The following DOCK8 variants were observed in gnomAD, a reference collection of about 807,000 sequenced individuals.
DOCK8 encodes the protein dedicator of cytokinesis protein 8.
DOCK8 carries 141 observed loss-of-function variants against 245.6 expected under a neutral mutation model. The observed-to-expected ratio is 0.57, with a 90% confidence interval of 0.50 to 0.66. The LOEUF is 0.66. DOCK8 is among the 30% of genes least tolerant of loss of function. The pLI is 0.00. For missense variants in DOCK8, 2,965 were observed against 2,603.4 expected (o/e 1.14, Z -3.02); for synonymous variants, 1,168 against 970.2 (o/e 1.20, Z -3.79).
At chr9:435,527 G>C (rs2056868868) in intron 39 of DOCK8, among the ~76,000 whole-genome samples, 2 of 152,172 alleles carry the variant, frequency 1.3e-5, no homozygotes, top group African/African-American at 4.8e-5. Context: ...CATTGTGAAA[G>C]TTTGGAAAAC....
At chr9:309,277 G>A (rs1411050529) in intron 5 of DOCK8, among the ~76,000 whole-genome samples, 10 of 151,848 alleles carry the variant, frequency 6.6e-5, no homozygotes. Flanking sequence ...AAAAACAAAA[G>A]TATTAATAAT....
intron 33 of DOCK8, among the ~76,000 whole-genome samples, chr9:425,558 A>T (rs926129943): frequency 6.7e-6 from 1 of 149,904 alleles, no homozygotes; most frequent in Non-Finnish European, 1.5e-5. Flanking sequence ...AAAAAAAAAA[A>T]GGATGATGAG....
chr9:218,334 G>C (rs1002992559), intron 1 of DOCK8, among the ~76,000 whole-genome samples: 2 of 152,166 alleles, frequency 1.3e-5, no homozygotes, highest in African/African-American at 4.8e-5. Flanking sequence ...TTTGTAAAGC[G>C]TTCAGTTCTG....
rs1267951716 is a variant in DOCK8 at position 386,239 on chromosome 9, T to G, written c.2779-92T>G. 3 of 1,085,422 alleles carry G rather than the reference T, an allele frequency of 2.8e-6. No individual in the cohort carries two copies. The African/African-American group carries it at 4.7e-5, about 17-fold the overall frequency. The allele number at this position is 1,085,422 out of a possible 1,614,324, so 67.2% of individuals were successfully genotyped here. A position where few individuals can be genotyped will look rare whatever the true frequency, so the allele number is the denominator to read the frequency against. On this transcript the variant is annotated intron_variant, in intron 22 of 47. Coordinates refer to ENST00000432829, the MANE Select transcript of DOCK8 (RefSeq NM_203447.4). ...TTGTAACCAGGAAAAAAAATATGTA[T>G]AAAAAAATGAATTCTGAGGTTGTGA...
At chr9:291,874 C>G (rs1421307266) in intron 4 of DOCK8, among the ~76,000 whole-genome samples, 2 of 150,946 alleles carry the variant, frequency 1.3e-5, no homozygotes, top group Non-Finnish European at 2.9e-5. Flanking sequence ...CAAGACCAGC[C>G]TAGGCAATAT....
At position 368,406 on chromosome 9, in the gene DOCK8, C is replaced by G. The variant is rs565314513; in HGVS notation, c.1797+271C>G. On this transcript the variant is annotated intron_variant, in intron 15 of 47. Transcript: ENST00000432829. ...AAAGTCATAAAGTCTTTCCATACTG[C>G]CCATAGGACCACCCCACTCTAAAGG... 12 of 651,436 alleles carry G rather than the reference C, an allele frequency of 1.8e-5. No homozygotes were observed. The East Asian group carries it at 3.3e-4, about 18-fold the overall frequency. The allele number at this position is 651,436 out of a possible 1,614,324, so 40.4% of individuals were successfully genotyped here. A position where few individuals can be genotyped will look rare whatever the true frequency, so the allele number is the denominator to read the frequency against.
chr9:286,665 A>T (rs766017491), intron 3 of DOCK8, 29 bp downstream of exon 3: 1 of 1,609,360 alleles, frequency 6.2e-7, no homozygotes, highest in Non-Finnish European at 8.5e-7. Context: ...TGTAGATGTG[A>T]TTGGGATTGT....
intron 5 of DOCK8, among the ~76,000 whole-genome samples, chr9:308,745 C>T (rs1368855234): frequency 6.6e-6 from 1 of 152,190 alleles, no homozygotes; most frequent in Non-Finnish European, 1.5e-5. Flanking sequence ...GCAACCCCTG[C>T]CTCCCAGGTT....
intron 33 of DOCK8, among the ~76,000 whole-genome samples, chr9:422,411 G>T (rs2056312474): frequency 6.6e-6 from 1 of 152,188 alleles, no homozygotes; most frequent in African/African-American, 2.4e-5. Context: ...AGCTGATTTT[G>T]CAGGGAGGGT....
intron 14 of DOCK8, among the ~76,000 whole-genome samples, chr9:347,140 C>T (rs966284545): frequency 6.6e-6 from 1 of 152,202 alleles, no homozygotes; most frequent in South Asian, 2.1e-4. Context: ...AAAATCAAAG[C>T]GTCCCCCTCC....
intron 46 of DOCK8, chr9:460,097 T>G (rs563535557): frequency 6.6e-6 from 1 of 152,320 alleles, no homozygotes; most frequent in Admixed American, 6.5e-5. Context: ...AGCTTCTGAT[T>G]TAATTCTCCC....
At chr9:451,609 C>G (rs1246196075) in intron 45 of DOCK8, among the ~76,000 whole-genome samples, 1 of 151,912 alleles carries the variant, frequency 6.6e-6, no homozygotes, top group East Asian at 1.9e-4. Context: ...GGTGATAGAG[C>G]GAGACCCTGT....
At chr9:417,623 C>T (rs919369734) in intron 29 of DOCK8, among the ~76,000 whole-genome samples, 30 of 152,156 alleles carry the variant, frequency 2.0e-4, no homozygotes, top group African/African-American at 7.2e-4. Flanking sequence ...TACATAGATA[C>T]AATAAATTGA....
chr9:391,819 A>ATTTTTTTTTTTTT (rs1453100811), intron 24 of DOCK8, among the ~76,000 whole-genome samples: 3 of 130,692 alleles, frequency 2.3e-5, no homozygotes, highest in Non-Finnish European at 3.2e-5. Context: ...CATTAAGTGA[A>ATTTTTTTTTTTTT]TCTTTTTTTT....
chr9:333,458 G>A (rs538956662), intron 10 of DOCK8, among the ~76,000 whole-genome samples: 32 of 152,162 alleles, frequency 2.1e-4, no homozygotes, highest in East Asian at 7.7e-4. Context: ...AAAATTAGCC[G>A]GGCATGGTGG....
chr9:440,931 C>T (rs1411662583), intron 40 of DOCK8, among the ~76,000 whole-genome samples: 3 of 152,080 alleles, frequency 2.0e-5, no homozygotes, highest in Admixed American at 1.3e-4. Flanking sequence ...GATGGGGTCT[C>T]CCTATGGTGT....
intron 24 of DOCK8, among the ~76,000 whole-genome samples, chr9:395,196 C>A (rs1220942226): frequency 6.6e-6 from 1 of 152,142 alleles, no homozygotes; most frequent in East Asian, 1.9e-4. Flanking sequence ...GTGTCCCAAA[C>A]CAAAGAGGAT....
In DOCK8 at chr9:429,749, A is replaced by C; in HGVS notation, c.4521A>C (p.Leu1507=). The C allele has an allele frequency of 6.2e-7, 1 of 1,614,180 alleles. No individual in the cohort carries two copies. Among genetic ancestry groups the C allele is most frequent in the African/African-American group, 1.3e-5 (1 of 75,058 alleles). The change falls in exon 36 of 48, where the codon CTA becomes CTC. Residue 1507 remains leucine, a synonymous_variant. Transcript: ENST00000432829. ...AGGAGGTGGAACAGTGTTTCGACCT[A>C]TGTCACCAAGTCCTGCACCACTGCA... The part of the protein sequence containing the change: ...FEEEVEQCFD[L]CHQVLHHCSS...
chr9:349,275 C>T (rs867814875), intron 14 of DOCK8, among the ~76,000 whole-genome samples: 1 of 152,126 alleles, frequency 6.6e-6, no homozygotes, highest in South Asian at 2.1e-4. Context: ...AATTTCTTTA[C>T]CCACTGGTGT....
Sources: allele counts gnomAD v4.1 joint callset (sites outside exome capture counted in the v4.1 genomes callset), GRCh38; gene constraint gnomAD v4.1.1; transcripts MANE v1.5; gene names NCBI Gene and HGNC (gene_info 2026-07-23, HGNC 2026-07-21).